Variants in GRIK3 observed in about 807,000 individuals in gnomAD.
GRIK3 encodes the protein glutamate receptor ionotropic, kainate 3.
Under a neutral mutation model 102.5 loss-of-function variants are expected in GRIK3, and 29 were observed. The ratio of observed to expected loss-of-function variants is 0.28; its 90% confidence interval spans 0.21 to 0.39. The LOEUF (loss-of-function observed/expected upper bound fraction) is 0.39, where lower values mean the gene tolerates loss of function less well. Ranked by LOEUF, GRIK3 falls within the 10% of genes least tolerant of loss-of-function variation. The probability of loss-of-function intolerance (pLI) is 1.00; values close to 1 mark genes in which losing one functional copy is unlikely to be tolerated. For synonymous variants in GRIK3, 511 were observed against 504.9 expected (o/e 1.01, Z -0.16); for missense variants, 908 against 1,252.4 (o/e 0.73, Z 4.15).
chr1:36,872,305 A>G lies in GRIK3; in HGVS notation c.615T>C (p.Arg205=). 6.2e-7 allele frequency: 1 copy of G among 1,612,962 alleles called. No homozygotes were observed. The highest frequency in any genetic ancestry group is 8.5e-7 in the Non-Finnish European group (1 of 1,179,436). Reference sequence around the variant, plus strand: ...AGTCGTCAGAGTCGATGGGGAGCTGACGGATCTTCAGGCGGATGTTGTATC... The same window carrying G: ...AGTCGTCAGAGTCGATGGGGAGCTGGCGGATCTTCAGGCGGATGTTGTATC... ...PSRYNIRLKI[R]QLPIDSDDSR... Residue 205 remains arginine (R), a synonymous_variant, in exon 4 of 16, where the codon CGT becomes CGC. Transcript: ENST00000373091. This position sits in a 1 kb window ranked among gnomAD's most constrained non-coding sequence, Gnocchi z 5.9.
chr1:36,885,066 C>T (rs1641023057), intron 2 of GRIK3, among the ~76,000 whole-genome samples: 1 of 152,202 alleles, frequency 6.6e-6, no homozygotes, highest in African/African-American at 2.4e-5. Context: ...ATACTAAAGA[C>T]CATATTGTGA....
Position 37,034,309 on chromosome 1 carries a change from T to G in GRIK3, c.-201A>C, listed in dbSNP as rs1642863925. 6.7e-6 allele frequency among the ~76,000 whole-genome samples: 1 copy of G among 149,358 alleles called. No individual in the cohort carries two copies. Among genetic ancestry groups the G allele is most frequent in the Admixed American group, 6.6e-5 (1 of 15,044 alleles). On this transcript the variant is annotated 5_prime_UTR_variant, in exon 1 of 16. Transcript: ENST00000373091. ...CCGCCCCGCCGGCGCCCGCCCCGCCTGGCTGCCGCCCACGGGCTGCCCGCG... is the reference window on the plus strand; with the variant it reads ...CCGCCCCGCCGGCGCCCGCCCCGCCGGGCTGCCGCCCACGGGCTGCCCGCG...
chr1:36,874,371 G>C (rs1311932638), intron 3 of GRIK3, among the ~76,000 whole-genome samples: 1 of 152,186 alleles, frequency 6.6e-6, no homozygotes, highest in Non-Finnish European at 1.5e-5. Context: ...GCTTTGCCAT[G>C]ACTGGGCATC....
intron 1 of GRIK3, among the ~76,000 whole-genome samples, chr1:36,972,934 C>T (rs998776330): frequency 2.0e-5 from 3 of 152,160 alleles, no homozygotes; most frequent in African/African-American, 7.2e-5. Context: ...GGCCCAGGGT[C>T]TCCATCATCA....
chr1:37,009,270 T>C (rs574399197), intron 1 of GRIK3, among the ~76,000 whole-genome samples: 6 of 152,306 alleles, frequency 3.9e-5, no homozygotes, highest in East Asian at 1.9e-4. Flanking sequence ...GTGAGGATTA[T>C]GGTATGATGT....
At chr1:36,854,464 C>G (rs992768231) in intron 7 of GRIK3, among the ~76,000 whole-genome samples, 9 of 152,134 alleles carry the variant, frequency 5.9e-5, no homozygotes, top group Non-Finnish European at 1.3e-4. Context: ...ATTAATAACA[C>G]AGAGAGAGGA....
At chr1:36,825,120 G>A (rs891985359) in intron 11 of GRIK3, among the ~76,000 whole-genome samples, 1 of 152,194 alleles carries the variant, frequency 6.6e-6, no homozygotes, top group African/African-American at 2.4e-5. Context: ...AGACAGGGAT[G>A]TGTGTATGTG....
intron 10 of GRIK3, among the ~76,000 whole-genome samples, chr1:36,833,936 A>G (rs1196823288): frequency 1.3e-5 from 2 of 152,160 alleles, no homozygotes; most frequent in East Asian, 1.9e-4. Context: ...CGAGTCTCCA[A>G]GATCTTCCCC....
At chr1:36,985,435 A>G (rs974256944) in intron 1 of GRIK3, among the ~76,000 whole-genome samples, 1 of 151,678 alleles carries the variant, frequency 6.6e-6, no homozygotes, top group Admixed American at 6.5e-5. Context: ...ATTCGGGGAC[A>G]TGGGCCTCAC....
intron 1 of GRIK3, among the ~76,000 whole-genome samples, chr1:36,958,880 TGTGCCC>T (rs1641961022): frequency 7.6e-6 from 1 of 132,434 alleles, no homozygotes; most frequent in Non-Finnish European, 1.7e-5. Flanking sequence ...TGTGAGCCTG[TGTGCCC>T]TGTGAGTCTG....
chr1:36,881,711 C>T (rs894577941), intron 2 of GRIK3, among the ~76,000 whole-genome samples: 1 of 152,188 alleles, frequency 6.6e-6, no homozygotes, highest in African/African-American at 2.4e-5. Context: ...GGTGAGACTT[C>T]CACAGTATAA....
chr1:36,864,544 T>A (rs1271476729), intron 5 of GRIK3, among the ~76,000 whole-genome samples: 1 of 151,612 alleles, frequency 6.6e-6, no homozygotes, highest in African/African-American at 2.4e-5. Context: ...CCTGACTCAG[T>A]GTGAAGGGCA....
intron 5 of GRIK3, among the ~76,000 whole-genome samples, chr1:36,865,191 C>T (rs1039730680): frequency 1.3e-5 from 2 of 152,112 alleles, no homozygotes; most frequent in African/African-American, 2.4e-5. Flanking sequence ...TTTTTCACCT[C>T]CAGGCTTTTA....
chr1:36,810,236 C>T (rs1049998145), intron 13 of GRIK3, among the ~76,000 whole-genome samples: 3 of 152,122 alleles, frequency 2.0e-5, no homozygotes, highest in African/African-American at 4.8e-5. Context: ...GCCTGAGTTC[C>T]CATCACTGGC....
chr1:36,989,206 G>A (rs536591854), intron 1 of GRIK3, among the ~76,000 whole-genome samples: 9 of 152,010 alleles, frequency 5.9e-5, no homozygotes, highest in South Asian at 2.1e-4. Context: ...ACACACACAC[G>A]CATGCACATA....
At chr1:36,937,360 G>A (rs1641670804) in intron 1 of GRIK3, among the ~76,000 whole-genome samples, 1 of 152,140 alleles carries the variant, frequency 6.6e-6, no homozygotes. Flanking sequence ...GAAGGGAGAA[G>A]GCAATCTCTT....
Position 36,829,409 on chromosome 1 carries a change from GT to G in GRIK3, c.1531-3584del, listed in dbSNP as rs371011659. 6.5e-3 allele frequency among the ~76,000 whole-genome samples: 922 copies of G among 142,654 alleles called. 9 individuals carry two copies. Among genetic ancestry groups the G allele is most frequent in the African/African-American group, 0.018 (727 of 39,330 alleles). The allele number at this position is 142,654 out of a possible 152,430, so 93.6% of individuals were successfully genotyped here. A position where few individuals can be genotyped will look rare whatever the true frequency, so the allele number is the denominator to read the frequency against. On this transcript the variant is annotated intron_variant, in intron 10 of 15. Coordinates refer to ENST00000373091, the MANE Select transcript of GRIK3 (RefSeq NM_000831.4). ...AACCCCATGGTTTTTATTGTTTTTT[GT>G]TTTTTTTTTTTAACAGAAGGAAACT... is the stretch of plus-strand genomic sequence containing the variant.
At position 36,880,224 on chromosome 1, in the gene GRIK3, C is replaced by T. The variant is rs769531068; in HGVS notation, c.550+410G>A. Among the ~76,000 whole-genome samples, 13 of 152,260 alleles carry T rather than the reference C, an allele frequency of 8.5e-5. No individual in the cohort carries two copies. The East Asian group carries it at 9.7e-4, about 11-fold the overall frequency. On this transcript the variant is annotated intron_variant, in intron 3 of 15. Coordinates refer to ENST00000373091, the MANE Select transcript of GRIK3 (RefSeq NM_000831.4). This position sits in a 1 kb window ranked among gnomAD's most constrained non-coding sequence, Gnocchi z 5.4. ...TGTGTACACACTTAACACTAGGCCA[C>T]GCCATAAGCTATGTGTGTGAGTGTG...
At chr1:36,958,960 G>GCGCCC (rs1641963226) in intron 1 of GRIK3, among the ~76,000 whole-genome samples, 1 of 126,502 alleles carries the variant, frequency 7.9e-6, no homozygotes, top group Non-Finnish European at 1.8e-5. Context: ...CTGTGAGCCT[G>GCGCCC]CACCCCATGA....
Sources: gnomAD v4.1 joint callset for allele counts (sites outside exome capture counted in the v4.1 genomes callset) on GRCh38, gnomAD v4.1.1 for gene constraint, Gnocchi (gnomAD v3.1) non-coding constraint, MANE v1.5 for transcripts, NCBI Gene and HGNC (gene_info 2026-07-23, HGNC 2026-07-21) for gene names.